Variants in TNN observed in about 807,000 individuals in gnomAD.
The protein encoded by TNN is tenascin N.
Under a neutral mutation model 134.4 loss-of-function variants are expected in TNN, and 122 were observed. That is an observed-to-expected ratio of 0.91 (90% CI 0.78 to 1.06). The LOEUF is 1.06. Ranked by LOEUF, TNN falls within the 50% of genes least tolerant of loss-of-function variation. The pLI, the probability that TNN is intolerant of heterozygous loss-of-function variation, is 0.00. For synonymous variants in TNN, 710 were observed against 670.3 expected, an observed-to-expected ratio of 1.06 and a Z score of -0.91; for missense variants, 1,739 against 1,699.4, an observed-to-expected ratio of 1.02 and a Z score of -0.41.
At chr1:175,119,673 C>T (rs1332105856) in intron 11 of TNN, among the ~76,000 whole-genome samples, 18 of 136,822 alleles carry the variant, frequency 1.3e-4, no homozygotes, top group Admixed American at 5.4e-4. Flanking sequence ...CTTGCCCTGT[C>T]GCCCAGGCTG....
intron 11 of TNN, among the ~76,000 whole-genome samples, chr1:175,120,926 A>T (rs1675357869): frequency 6.6e-6 from 1 of 152,090 alleles, no homozygotes. Context: ...TTAGCTTCCC[A>T]AGTAGCTGGG....
At chr1:175,093,294 G>A (rs1417603745) in intron 6 of TNN, among the ~76,000 whole-genome samples, 1 of 152,202 alleles carries the variant, frequency 6.6e-6, no homozygotes, top group Non-Finnish European at 1.5e-5. Context: ...ATTTTCTAAG[G>A]TCATGGGCTC....
At chr1:175,096,413 G>A (rs901495925) in intron 7 of TNN, among the ~76,000 whole-genome samples, 3 of 152,200 alleles carry the variant, frequency 2.0e-5, no homozygotes, top group African/African-American at 7.2e-5. Flanking sequence ...GATGTCTGTG[G>A]TGCATGCTGA....
Position 175,077,704 on chromosome 1 carries a change from C to A in TNN, c.286C>A (p.Gln96Lys). 1 of 1,614,230 alleles carries A rather than the reference C, an allele frequency of 6.2e-7. No homozygotes were observed. Among genetic ancestry groups the A allele is most frequent in the South Asian group, 1.1e-5 (1 of 91,088 alleles). ...GCACAACATCCGCCTTCAGACGCCA[C>A]AGAAGGACTGCGAGTTGGCAGGCAG... ...FRHNIRLQTP[Q>K]KDCELAGSVQ... The change falls in exon 2 of 19, where the codon CAG (glutamine) becomes AAG (lysine). Residue 96 changes from glutamine (Q) to lysine (K), a missense_variant. By Grantham distance (53) the Gln-to-Lys change is moderately conservative. Coordinates refer to ENST00000239462, the MANE Select transcript of TNN (RefSeq NM_022093.2).
At chr1:175,118,222 T>C (rs943368334) in intron 10 of TNN, among the ~76,000 whole-genome samples, 32 of 152,162 alleles carry the variant, frequency 2.1e-4, no homozygotes, top group African/African-American at 7.5e-4. Flanking sequence ...CCATGTCTTT[T>C]CCAATTCTGG....
At chr1:175,121,211 A>G (rs767112980) in intron 11 of TNN, among the ~76,000 whole-genome samples, 1 of 152,258 alleles carries the variant, frequency 6.6e-6, no homozygotes, top group African/African-American at 2.4e-5. Flanking sequence ...GAATACTTTC[A>G]TCATTGCAGA....
At chr1:175,074,982 C>A (rs765407132) in intron 1 of TNN, among the ~76,000 whole-genome samples, 1 of 152,192 alleles carries the variant, frequency 6.6e-6, no homozygotes, top group South Asian at 2.1e-4. Context: ...GGTTTCCTTA[C>A]CTTTTGAGTG....
At chr1:175,119,938 C>T (rs1389432403) in intron 11 of TNN, among the ~76,000 whole-genome samples, 1 of 152,028 alleles carries the variant, frequency 6.6e-6, no homozygotes, top group African/African-American at 2.4e-5. Flanking sequence ...GCGCCTGGGC[C>T]CATGAATGTC....
chr1:175,080,466 GC>G, intron 4 of TNN, 40 bp downstream of exon 4: 1 of 1,608,502 alleles, frequency 6.2e-7, no homozygotes, highest in Non-Finnish European at 8.5e-7. Flanking sequence ...CCCAGGAGAG[GC>G]CCCATTCTAA....
At chr1:175,136,577 T>C (rs1014256772) in intron 16 of TNN, among the ~76,000 whole-genome samples, 7 of 152,208 alleles carry the variant, frequency 4.6e-5, no homozygotes, top group African/African-American at 1.7e-4. Context: ...ATGGAGCCAA[T>C]GGAGGCAGAT....
rs139067159 is a variant in TNN at position 175,109,377 on chromosome 1, C to T, written c.2120-7562C>T. Among the ~76,000 whole-genome samples, 1,413 of 151,842 alleles carry T rather than the reference C, an allele frequency of 9.3e-3. 16 individuals carry two copies. The highest frequency in any genetic ancestry group is 0.032 in the African/African-American group (1,314 of 41,414). On this transcript the variant is annotated intron_variant, in intron 9 of 18. Transcript: ENST00000239462. ...TGCTGGGATTACAGGCGTGAGCCAC[C>T]GGGCCCGGCCTATCTAACTGTATTT...
intron 9 of TNN, among the ~76,000 whole-genome samples, chr1:175,108,354 C>G (rs1278983702): frequency 1.3e-5 from 2 of 152,220 alleles, no homozygotes; most frequent in African/African-American, 4.8e-5. Context: ...GATATAAAGA[C>G]TCTCCACGTC....
intron 8 of TNN, among the ~76,000 whole-genome samples, chr1:175,097,909 T>C (rs1158597739): frequency 6.6e-6 from 1 of 152,216 alleles, no homozygotes; most frequent in East Asian, 1.9e-4. Flanking sequence ...TAAAGTCTTA[T>C]AGTAACAATG....
chr1:175,088,008 G>A (rs1674358108), intron 6 of TNN, among the ~76,000 whole-genome samples: 1 of 152,212 alleles, frequency 6.6e-6, no homozygotes, highest in Non-Finnish European at 1.5e-5. Flanking sequence ...GTGCTTCCAT[G>A]GCCTCTGTGG....
At chr1:175,146,829 C>T (rs977270544) in intron 18 of TNN, 102 bp from the exon 19 acceptor site, 2 of 1,159,458 alleles carry the variant, frequency 1.7e-6, no homozygotes, top group Non-Finnish European at 2.3e-6. Context: ...GGAGTGGTTT[C>T]ACTGGTAATT....
chr1:175,097,823 G>A lies in TNN; in HGVS notation c.1855+140G>A. Reference sequence around the variant, plus strand: ...ATGAAAGAAAGACTGAGCTCTCGTGGTGATGGCGGTGGGCTGCTCTTTCCT... The same window carrying A: ...ATGAAAGAAAGACTGAGCTCTCGTGATGATGGCGGTGGGCTGCTCTTTCCT... On this transcript the variant is annotated intron_variant, in intron 8 of 18. Coordinates refer to ENST00000239462, the MANE Select transcript of TNN (RefSeq NM_022093.2). 2.5e-6 allele frequency: 3 copies of A among 1,213,910 alleles called. No individual in the cohort carries two copies. The South Asian group carries it at 4.7e-5, about 19-fold the overall frequency. The allele number at this position is 1,213,910 out of a possible 1,614,324, so 75.2% of individuals were successfully genotyped here.
In TNN at chr1:175,147,107, C is replaced by T; in HGVS notation, c.*36C>T. The stretch of plus-strand genomic sequence containing the variant: ...GAGCAGTCCTCGCAGGAGACACCAC[C>T]AGCTGTGGCAGCTTGGGGCGGGGTG... On this transcript the variant is annotated 3_prime_UTR_variant, in exon 19 of 19. Coordinates refer to ENST00000239462, the MANE Select transcript of TNN (RefSeq NM_022093.2). The T allele has an allele frequency of 6.7e-7, 1 of 1,493,300 alleles. No individual in the cohort carries two copies. 92.5% of individuals were successfully genotyped at this position (1,493,300 alleles called of 1,614,324 possible). A position where few individuals can be genotyped will look rare whatever the true frequency, so the allele number is the denominator to read the frequency against.
chr1:175,070,341 T>TG (rs1236386816), intron 1 of TNN, among the ~76,000 whole-genome samples: 1 of 152,206 alleles, frequency 6.6e-6, no homozygotes, highest in African/African-American at 2.4e-5. Flanking sequence ...AATGAGCCTG[T>TG]GGTCACCCCT....
At position 175,127,081 on chromosome 1, in the gene TNN, T is replaced by G; in HGVS notation, c.3041T>G (p.Val1014Gly). 6.2e-7 allele frequency: 1 copy of G among 1,613,536 alleles called. No individual in the cohort carries two copies. Among genetic ancestry groups the G allele is most frequent in the Non-Finnish European group, 8.5e-7 (1 of 1,179,824 alleles). ...ACTTACCAGTTCCCAGATGGCACAG[T>G]TAAGGTACGGGGATTCCTTGTCTTT... ...ILTYQFPDGT[V>G]KEMQLGREDQ... The change falls in exon 13 of 19, where the codon GTT (valine) becomes GGT (glycine). Residue 1014 changes from valine (V) to glycine (G), a missense_variant. Transcript: ENST00000239462.
Sources: allele counts gnomAD v4.1 joint callset (sites outside exome capture counted in the v4.1 genomes callset), GRCh38; gene constraint gnomAD v4.1.1; transcripts MANE v1.5; gene names NCBI Gene and HGNC (gene_info 2026-07-23, HGNC 2026-07-21).